The following ADAM12 variants were observed in gnomAD, a reference collection of about 807,000 sequenced individuals.
ADAM12 encodes the protein disintegrin and metalloproteinase domain-containing protein 12.
A neutral mutation model predicts 106.4 loss-of-function variants in ADAM12; 70 were observed. The ratio of observed to expected loss-of-function variants is 0.66; its 90% CI spans 0.54 to 0.80. The LOEUF is 0.80. Ranked by LOEUF, ADAM12 falls within the 30% of genes least tolerant of loss-of-function variation. The pLI, the probability that ADAM12 is intolerant of heterozygous loss-of-function variation, is 0.00. For synonymous variants in ADAM12, 420 were observed against 433.5 expected (o/e 0.97, Z 0.39); for missense variants, 1,010 against 1,171.9 (o/e 0.86, Z 2.02).
At chr10:126,259,547 C>T (rs1180038036) in intron 3 of ADAM12, among the ~76,000 whole-genome samples, 1 of 152,212 alleles carries the variant, frequency 6.6e-6, no homozygotes, top group Non-Finnish European at 1.5e-5. Context: ...TCTGGTCTGA[C>T]ACAGCAAAAT....
At chr10:126,026,244 AG>A (rs1953870843) in intron 21 of ADAM12, among the ~76,000 whole-genome samples, 1 of 152,242 alleles carries the variant, frequency 6.6e-6, no homozygotes. Context: ...AAAAAAGAAA[AG>A]GGCATTGCAT....
intron 21 of ADAM12, among the ~76,000 whole-genome samples, chr10:126,027,099 CAG>C (rs1271737984): frequency 6.6e-6 from 1 of 152,188 alleles, no homozygotes; most frequent in Non-Finnish European, 1.5e-5. Context: ...ATACAACTAT[CAG>C]AGAATACTAT....
chr10:126,388,063 G>A lies in ADAM12; in HGVS notation c.83C>T (p.Ala28Val). 3.3e-6 allele frequency: 4 copies of A among 1,224,904 alleles called. No homozygotes were observed. Among genetic ancestry groups the A allele is most frequent in the Non-Finnish European group, 4.1e-6 (4 of 982,298 alleles). The allele number at this position is 1,224,904 out of a possible 1,614,324, so 75.9% of individuals were successfully genotyped here. A position where few individuals can be genotyped will look rare whatever the true frequency, so the allele number is the denominator to read the frequency against. The part of the protein sequence containing the change: ...LAGALLAPCE[A>V]RGVSLWNQGR... ...GCCCTAGTTCGGCGACTTACCTCGG[G>A]CCTCGCAGGGCGCGAGCAGAGCACC... is the stretch of plus-strand genomic sequence containing the variant. Residue 28 changes from alanine to valine, a missense_variant, in exon 1 of 23, where the codon GCC (alanine) becomes GTC (valine). Physicochemically the swap from Ala to Val is moderately conservative, Grantham distance 64 (BLOSUM62 0). Around this residue, in one of 3 missense-constraint regions of ADAM12, gnomAD observed 391 missense variants for 442.9 expected, o/e 0.88. Coordinates refer to ENST00000448723, the MANE Select transcript of ADAM12 (RefSeq NM_001288973.2). The surrounding 1 kb of genome is among the most constrained non-coding windows in gnomAD (Gnocchi z 4.4).
intron 11 of ADAM12, among the ~76,000 whole-genome samples, chr10:126,079,968 A>C (rs929360746): frequency 3.3e-5 from 5 of 152,328 alleles, no homozygotes; most frequent in African/African-American, 1.2e-4. Flanking sequence ...TGTGCTAAAA[A>C]TCCCAAGAGT....
chr10:126,100,991 C>G (rs1955653198), intron 9 of ADAM12, 81 bp downstream of exon 9: 31 of 1,502,698 alleles, frequency 2.1e-5, no homozygotes, highest in Non-Finnish European at 2.8e-5. Flanking sequence ...GGTGGCAGCT[C>G]CTGGGGCTGT....
At chr10:126,219,100 C>T (rs1167241842) in intron 3 of ADAM12, among the ~76,000 whole-genome samples, 1 of 152,156 alleles carries the variant, frequency 6.6e-6, no homozygotes, top group African/African-American at 2.4e-5. Context: ...TTCACAGGTC[C>T]CATGCTTTGC....
intron 3 of ADAM12, among the ~76,000 whole-genome samples, chr10:126,203,932 G>GCA (rs1957747887): frequency 4.5e-5 from 4 of 88,622 alleles, no homozygotes; most frequent in Non-Finnish European, 8.8e-5. Flanking sequence ...GTGAGTGCGC[G>GCA]CGCGCGCGTG....
intron 11 of ADAM12, among the ~76,000 whole-genome samples, chr10:126,080,608 C>T (rs975207700): frequency 5.3e-5 from 8 of 152,148 alleles, no homozygotes; most frequent in Admixed American, 1.3e-4. Flanking sequence ...GCCCCCGCTA[C>T]GATGTGACCT....
intron 18 of ADAM12, among the ~76,000 whole-genome samples, chr10:126,040,477 CT>C (rs1954140857): frequency 6.6e-6 from 1 of 152,196 alleles, no homozygotes; most frequent in Non-Finnish European, 1.5e-5. Flanking sequence ...GAAAGAATGT[CT>C]TTCACACCTT....
At chr10:126,322,738 G>A (rs149766221) in intron 2 of ADAM12, among the ~76,000 whole-genome samples, 168 of 152,280 alleles carry the variant, frequency 1.1e-3, no homozygotes, top group African/African-American at 3.9e-3. Flanking sequence ...CAAGCCCAAC[G>A]CCACACAGCA....
At chr10:126,190,952 G>A (rs1590592864) in intron 3 of ADAM12, among the ~76,000 whole-genome samples, 1 of 140,912 alleles carries the variant, frequency 7.1e-6, no homozygotes, top group East Asian at 2.1e-4. Flanking sequence ...GTCTGGGAGA[G>A]TTTGGGTTTT....
intron 21 of ADAM12, 102 bp downstream of exon 21, chr10:126,036,044 A>G: frequency 1.9e-6 from 2 of 1,051,796 alleles, no homozygotes; most frequent in East Asian, 3.1e-5. Context: ...TCCATTTTAC[A>G]GAGGCACCGA....
intron 3 of ADAM12, among the ~76,000 whole-genome samples, chr10:126,159,649 T>C (rs187731868): frequency 2.0e-5 from 3 of 152,230 alleles, no homozygotes; most frequent in Admixed American, 6.5e-5. Flanking sequence ...TCATTTTACG[T>C]ATGAGGGAGA....
intron 1 of ADAM12, among the ~76,000 whole-genome samples, chr10:126,343,945 C>T (rs966012394): frequency 6.6e-6 from 1 of 152,098 alleles, no homozygotes; most frequent in Non-Finnish European, 1.5e-5. Context: ...GAGTAGATTG[C>T]AAAAATTTTC....
intron 11 of ADAM12, among the ~76,000 whole-genome samples, chr10:126,075,154 G>T (rs987782015): frequency 5.3e-5 from 8 of 152,130 alleles, no homozygotes; most frequent in Non-Finnish European, 1.2e-4. Flanking sequence ...CTCGTTTATT[G>T]TTCAAGAACT....
chr10:126,019,170 C>T (rs1953713114), intron 22 of ADAM12, among the ~76,000 whole-genome samples: 2 of 152,052 alleles, frequency 1.3e-5, no homozygotes, highest in Admixed American at 1.3e-4. Flanking sequence ...CTGCTCCAGC[C>T]ATGTGAAGTG....
intron 11 of ADAM12, among the ~76,000 whole-genome samples, chr10:126,079,098 AAACTC>A (rs1206710602): frequency 6.6e-6 from 1 of 152,240 alleles, no homozygotes; most frequent in African/African-American, 2.4e-5. Context: ...CTAAGTCAGA[AAACTC>A]AAGGTAGGGG....
At chr10:126,094,204 C>A in intron 10 of ADAM12, 71 bp from the exon 11 acceptor site, 1 of 1,459,172 alleles carries the variant, frequency 6.9e-7, no homozygotes, top group Non-Finnish European at 9.4e-7. Context: ...GTCTCCCTCC[C>A]CACAGAAATA....
At position 126,016,081 on chromosome 10, in the gene ADAM12, A is replaced by G. The variant is rs1049007532; in HGVS notation, c.*1198T>C. 4 of 152,234 alleles carry G rather than the reference A, an allele frequency of 2.6e-5. No individual in the cohort carries two copies. The highest frequency in any genetic ancestry group is 7.2e-5 in the African/African-American group (3 of 41,464). The allele number at this position is 152,234 out of a possible 1,614,324, so 9.4% of individuals were successfully genotyped here. On this transcript the variant is annotated 3_prime_UTR_variant, in exon 23 of 23. Coordinates refer to ENST00000448723, the MANE Select transcript of ADAM12 (RefSeq NM_001288973.2). ...TCAGACTCTGTTAAAAGCATCTTTT[A>G]AAGATTCCTGCAGCCAAGTTGGAAA...
Sources: gnomAD v4.1 joint callset for allele counts (sites outside exome capture counted in the v4.1 genomes callset) on GRCh38, gnomAD v4.1.1 for gene constraint, gnomAD v4.1.1 regional missense constraint, Gnocchi (gnomAD v3.1) non-coding constraint, MANE v1.5 for transcripts, NCBI Gene and HGNC (gene_info 2026-07-23, HGNC 2026-07-21) for gene names.